PRTG: variants seen among roughly 807,000 people sequenced by gnomAD.
PRTG encodes immunoglobulin superfamily, DCC subclass, member 5.
In PRTG, 67 loss-of-function variants were observed where a neutral mutation model predicts 122.5. The observed-to-expected ratio is 0.55, with a 90% CI of 0.45 to 0.67. The LOEUF is 0.67. PRTG is among the 30% of genes least tolerant of loss of function. The pLI, the probability that PRTG is intolerant of heterozygous loss-of-function variation, is 0.00. For missense variants in PRTG, 1,435 were observed against 1,415.4 expected, an observed-to-expected ratio of 1.01 and a Z score of -0.22; for synonymous variants, 554 against 501.1, an observed-to-expected ratio of 1.11 and a Z score of -1.41.
At chr15:55,675,973 G>C (rs749974873) in intron 8 of PRTG, among the ~76,000 whole-genome samples, 5 of 152,146 alleles carry the variant, frequency 3.3e-5, no homozygotes, top group Admixed American at 6.6e-5. Context: ...ATGTACAGTA[G>C]TAACATAACA....
intron 11 of PRTG, among the ~76,000 whole-genome samples, chr15:55,661,432 T>A (rs1304582955): frequency 6.6e-6 from 1 of 152,146 alleles, no homozygotes; most frequent in African/African-American, 2.4e-5. Context: ...ATTTTCTCCA[T>A]CTCCACAGGG....
At chr15:55,665,591 G>A (rs1462509305) in intron 11 of PRTG, among the ~76,000 whole-genome samples, 2 of 149,974 alleles carry the variant, frequency 1.3e-5, no homozygotes, top group Non-Finnish European at 3.0e-5. Flanking sequence ...TGTCACCCAG[G>A]TTGGAGTGCA....
At chr15:55,712,668 T>A (rs2030435789) in intron 2 of PRTG, among the ~76,000 whole-genome samples, 1 of 152,214 alleles carries the variant, frequency 6.6e-6, no homozygotes, top group African/African-American at 2.4e-5. Context: ...CAGATATAGC[T>A]CTAATTTTTC....
intron 11 of PRTG, among the ~76,000 whole-genome samples, chr15:55,660,030 C>T (rs1434281217): frequency 4.6e-5 from 7 of 152,154 alleles, no homozygotes; most frequent in African/African-American, 1.7e-4. Context: ...TTTTTTCTAA[C>T]ACACATACTC....
intron 11 of PRTG, among the ~76,000 whole-genome samples, chr15:55,669,700 G>C (rs1292074845): frequency 6.6e-6 from 1 of 152,134 alleles, no homozygotes; most frequent in Non-Finnish European, 1.5e-5. Flanking sequence ...CACAATACTT[G>C]AATCCACACA....
Position 55,683,769 on chromosome 15 carries a change from A to G in PRTG, c.542+18T>C, listed in dbSNP as rs1287001785. ...CATTACTCCCATATCATCTCCAAAG[A>G]CAAAAATCTACATCTACCTGTCCAT... is the stretch of plus-strand genomic sequence containing the variant. On this transcript the variant is annotated intron_variant, in intron 3 of 19. Coordinates refer to ENST00000389286, the MANE Select transcript of PRTG (RefSeq NM_173814.6). 1.2e-6 allele frequency: 2 copies of G among 1,602,126 alleles called. No homozygotes were observed. Among genetic ancestry groups the G allele is most frequent in the East Asian group, 4.5e-5 (2 of 44,582 alleles).
At chr15:55,688,100 G>A (rs78443342) in intron 2 of PRTG, among the ~76,000 whole-genome samples, 1,566 of 152,266 alleles carry the variant, frequency 0.01, 18 homozygotes, top group Non-Finnish European at 0.011. Flanking sequence ...TTTACATCAC[G>A]TTACGTGATC....
chr15:55,713,606 A>T (rs1270447743), intron 2 of PRTG, among the ~76,000 whole-genome samples: 1 of 152,192 alleles, frequency 6.6e-6, no homozygotes, highest in Admixed American at 6.5e-5. Context: ...CAGGTGTTAA[A>T]ATTTTTGTCA....
chr15:55,699,872 G>T (rs946336770), intron 2 of PRTG, among the ~76,000 whole-genome samples: 1 of 152,112 alleles, frequency 6.6e-6, no homozygotes, highest in African/African-American at 2.4e-5. Context: ...AACAAGAAGT[G>T]GTAGAAAATT....
chr15:55,651,190 T>C (rs2059351394), intron 11 of PRTG, among the ~76,000 whole-genome samples: 1 of 152,114 alleles, frequency 6.6e-6, no homozygotes, highest in South Asian at 2.1e-4. Flanking sequence ...CATCCACTCC[T>C]ACAAAGTGGC....
intron 11 of PRTG, among the ~76,000 whole-genome samples, chr15:55,646,558 G>C (rs913865949): frequency 6.6e-6 from 1 of 152,024 alleles, no homozygotes; most frequent in Non-Finnish European, 1.5e-5. Context: ...TCCTGACCTC[G>C]TGATCCACCC....
At chr15:55,692,779 T>C (rs1413990571) in intron 2 of PRTG, among the ~76,000 whole-genome samples, 2 of 151,644 alleles carry the variant, frequency 1.3e-5, no homozygotes, top group Non-Finnish European at 2.9e-5. Flanking sequence ...TTTGAGATTC[T>C]GTAACAGCAG....
intron 11 of PRTG, among the ~76,000 whole-genome samples, chr15:55,641,632 CTG>C (rs1286690656): frequency 6.6e-6 from 1 of 152,160 alleles, no homozygotes; most frequent in African/African-American, 2.4e-5. Flanking sequence ...GGAAATCAAA[CTG>C]AGATTGTTTT....
intron 11 of PRTG, among the ~76,000 whole-genome samples, chr15:55,649,809 A>G (rs2059344003): frequency 6.6e-6 from 1 of 151,368 alleles, no homozygotes; most frequent in African/African-American, 2.4e-5. Flanking sequence ...AAATAAATAA[A>G]TAAATAAATA....
chr15:55,705,089 G>T (rs2030047441), intron 2 of PRTG, among the ~76,000 whole-genome samples: 1 of 152,042 alleles, frequency 6.6e-6, no homozygotes, highest in Admixed American at 6.6e-5. Flanking sequence ...TTTATAATTA[G>T]GGAAATATGT....
intron 2 of PRTG, among the ~76,000 whole-genome samples, chr15:55,732,390 G>A (rs2031263977): frequency 6.6e-6 from 1 of 151,676 alleles, no homozygotes; most frequent in Non-Finnish European, 1.5e-5. Context: ...TCACCATGTT[G>A]GCCAGGCTGG....
rs2059146354 is a variant in PRTG, at chr15:55,617,437, T to A, written c.*2575A>T. 1.3e-5 allele frequency: 2 copies of A among 152,090 alleles called. No individual in the cohort carries two copies. The highest frequency in any genetic ancestry group is 4.1e-4 in the South Asian group (2 of 4,826). The allele number at this position is 152,090 out of a possible 1,614,324, so 9.4% of individuals were successfully genotyped here. ...ATCTATTTAACTACAACAATCAATA[T>A]AAACCCTATTGTTTTGGGTTAGTAA... On this transcript the variant is annotated 3_prime_UTR_variant, in exon 20 of 20. Coordinates refer to ENST00000389286, the MANE Select transcript of PRTG (RefSeq NM_173814.6).
At chr15:55,711,907 T>C (rs2030404009) in intron 2 of PRTG, among the ~76,000 whole-genome samples, 1 of 152,114 alleles carries the variant, frequency 6.6e-6, no homozygotes, top group African/African-American at 2.4e-5. Flanking sequence ...TTTTAAAAAA[T>C]TGCTCAATGA....
At chr15:55,733,378 C>T (rs144298027) in intron 2 of PRTG, among the ~76,000 whole-genome samples, 732 of 151,994 alleles carry the variant, frequency 4.8e-3, no homozygotes, top group African/African-American at 0.017. Context: ...GGCATGGTGG[C>T]GCATGCCTGT....
Sources: gnomAD v4.1 joint callset for allele counts (sites outside exome capture counted in the v4.1 genomes callset) on GRCh38, gnomAD v4.1.1 for gene constraint, MANE v1.5 for transcripts, NCBI Gene and HGNC (gene_info 2026-07-23, HGNC 2026-07-21) for gene names.